The following RPL24 variants were observed in gnomAD, a reference collection of about 807,000 sequenced individuals.
RPL24 encodes ribosomal protein L24, also known as large ribosomal subunit protein eL24.
Under a neutral mutation model 26.4 loss-of-function variants are expected in RPL24, and 7 were observed. That is an observed-to-expected ratio of 0.27 (90% confidence interval 0.15 to 0.50). RPL24 has a LOEUF of 0.50. Among genes scored for constraint, RPL24 ranks in the 20% least tolerant of loss-of-function variants. RPL24 has a pLI of 0.98. For missense variants in RPL24, 109 were observed against 194.9 expected (o/e 0.56, Z 2.62); for synonymous variants, 67 against 65.2 (o/e 1.03, Z -0.13).
At chr3:101,684,020 A>AT (rs957601759) in intron 3 of RPL24, among the ~76,000 whole-genome samples, 11 of 151,684 alleles carry the variant, frequency 7.3e-5, no homozygotes, top group Middle Eastern at 3.2e-3. Flanking sequence ...CCTGTTTTCT[A>AT]TTTTTTTAAG....
chr3:101,684,287 T>C (rs949649403), intron 3 of RPL24, among the ~76,000 whole-genome samples: 1 of 151,886 alleles, frequency 6.6e-6, no homozygotes, highest in Non-Finnish European at 1.5e-5. Flanking sequence ...TGCCTCAGCC[T>C]CCCAAGTAGC....
intron 3 of RPL24, among the ~76,000 whole-genome samples, chr3:101,683,180 T>G (rs1436544083): frequency 6.6e-6 from 1 of 152,198 alleles, no homozygotes; most frequent in African/African-American, 2.4e-5. Flanking sequence ...GTAGTATAAA[T>G]GAAGACTGTT....
At chr3:101,681,854 A>C (rs1937267848) in intron 5 of RPL24, 1 of 75,462 alleles carries the variant, frequency 1.3e-5, no homozygotes, top group South Asian at 3.3e-4. Flanking sequence ...GGGGAAAAAA[A>C]CAAACAAACA....
chr3:101,682,932 A>G (rs1283384211), intron 3 of RPL24, 25 bp from the exon 4 acceptor site: 1 of 1,593,524 alleles, frequency 6.3e-7, no homozygotes, highest in Admixed American at 1.8e-5. Flanking sequence ...TGAGGGGCAC[A>G]CTTAGGAACC....
intron 3 of RPL24, among the ~76,000 whole-genome samples, chr3:101,685,032 A>G (rs546733893): frequency 6.6e-6 from 1 of 152,220 alleles, no homozygotes; most frequent in South Asian, 2.1e-4. Flanking sequence ...GTTTTAGGGT[A>G]TAACTTAGAA....
intron 5 of RPL24, chr3:101,682,221 C>A (rs1338970726): frequency 1.9e-6 from 1 of 527,312 alleles, no homozygotes; most frequent in Non-Finnish European, 3.5e-6. Flanking sequence ...AAAAAATCAG[C>A]CGGGCGTGAT....
At chr3:101,686,188 C>T (rs984243453) in intron 2 of RPL24, 7 of 575,078 alleles carry the variant, frequency 1.2e-5, no homozygotes, top group South Asian at 8.7e-5. Flanking sequence ...TTCTGGGAAG[C>T]ATTCTGCTCT....
intron 2 of RPL24, 140 bp downstream of exon 2, chr3:101,686,342 T>A: frequency 1.5e-6 from 1 of 676,950 alleles, no homozygotes; most frequent in East Asian, 2.7e-5. Context: ...TTTCTGGTCC[T>A]AACGACCAGT....
At chr3:101,685,175 G>GT (rs71625595) in intron 3 of RPL24, among the ~76,000 whole-genome samples, 601 of 145,126 alleles carry the variant, frequency 4.1e-3, no homozygotes, top group African/African-American at 0.01. Flanking sequence ...TGTAATTCCT[G>GT]TTTTTTTTTT....
rs76262577 is a variant in RPL24, at chr3:101,686,003, A to G, written c.82-75T>C. The G allele has an allele frequency of 2.6e-3, 2,535 of 986,304 alleles. 82 individuals are homozygous for G. The East Asian group carries it at 0.059, about 23-fold the overall frequency. The allele number at this position is 986,304 out of a possible 1,614,324, so 61.1% of individuals were successfully genotyped here. A position where few individuals can be genotyped will look rare whatever the true frequency, so the allele number is the denominator to read the frequency against. On this transcript the variant is annotated intron_variant, in intron 2 of 5. Transcript: ENST00000394077. ...GAGGCTGAGTAAGCTTGGAATCCTTAGAAGATCAATATGCTAGTTCTGGCT... is the reference window on the plus strand; with the variant it reads ...GAGGCTGAGTAAGCTTGGAATCCTTGGAAGATCAATATGCTAGTTCTGGCT...
At chr3:101,684,337 T>C (rs1423575724) in intron 3 of RPL24, among the ~76,000 whole-genome samples, 1 of 151,898 alleles carries the variant, frequency 6.6e-6, no homozygotes, top group African/African-American at 2.4e-5. Flanking sequence ...GGCTAATTTT[T>C]TTTTGTATTT....
chr3:101,683,206 T>C (rs1937284032), intron 3 of RPL24, among the ~76,000 whole-genome samples: 1 of 152,090 alleles, frequency 6.6e-6, no homozygotes, highest in Admixed American at 6.5e-5. Context: ...TTTTAATAAT[T>C]TACTTATTGA....
intron 3 of RPL24, among the ~76,000 whole-genome samples, chr3:101,684,639 T>G (rs1398425095): frequency 6.6e-6 from 1 of 151,722 alleles, no homozygotes; most frequent in East Asian, 1.9e-4. Flanking sequence ...AAAAAATAGC[T>G]GGGCCATGGT....
At chr3:101,684,988 T>C (rs1371263246) in intron 3 of RPL24, among the ~76,000 whole-genome samples, 1 of 151,800 alleles carries the variant, frequency 6.6e-6, no homozygotes, top group African/African-American at 2.4e-5. Flanking sequence ...GCTATGACAC[T>C]GATATACAAG....
At position 101,686,151 on chromosome 3, in the gene RPL24, CAT is replaced by C. The variant is rs1937338936; in HGVS notation, c.82-225_82-224del. On this transcript the variant is annotated intron_variant, in intron 2 of 5. Transcript: ENST00000394077. ...TTCTCGAGAGCAGGAAATCTAGGCTCATAGCAAAGGACAGGGTGGTGCGTCCT... is the reference window on the plus strand; with the variant it reads ...TTCTCGAGAGCAGGAAATCTAGGCTCAGCAAAGGACAGGGTGGTGCGTCCT... 19 of 577,986 alleles carry C rather than the reference CAT, an allele frequency of 3.3e-5. No homozygotes were observed. In the South Asian group the frequency reaches 4.1e-4, roughly 12 times the overall value. The allele number at this position is 577,986 out of a possible 1,614,324, so 35.8% of individuals were successfully genotyped here.
chr3:101,686,061 C>G, intron 2 of RPL24, 133 bp from the exon 3 acceptor site: 1 of 627,622 alleles, frequency 1.6e-6, no homozygotes, highest in East Asian at 2.7e-5. Context: ...CCACAAGGAC[C>G]AAAAGGCTGT....
At chr3:101,681,292 T>C in intron 5 of RPL24, 77 bp from the exon 6 acceptor site, 1 of 955,560 alleles carries the variant, frequency 1.0e-6, no homozygotes, top group South Asian at 1.3e-5. Flanking sequence ...ATCCAGATTG[T>C]TTATGTAGCT....
intron 3 of RPL24, among the ~76,000 whole-genome samples, chr3:101,685,334 C>T (rs186701097): frequency 5.3e-5 from 8 of 152,214 alleles, no homozygotes; most frequent in Admixed American, 3.9e-4. Context: ...TAAGTATTCC[C>T]AAGCCTCCTG....
At position 101,682,417 on chromosome 3, in the gene RPL24, C is replaced by T; in HGVS notation, c.393+12G>A. On this transcript the variant is annotated intron_variant, in intron 5 of 5. Transcript: ENST00000394077. ...TGTATTGTTCAAGAAAGTAAAGAAA[C>T]CCCATAATTACCTTAGCAGCAGCCA... is the stretch of plus-strand genomic sequence containing the variant. 3 of 1,606,420 alleles carry T rather than the reference C, an allele frequency of 1.9e-6. No homozygotes were observed. In the African/African-American group the frequency reaches 4.0e-5, roughly 21 times the overall value.
Sources: gnomAD v4.1 joint callset for allele counts (sites outside exome capture counted in the v4.1 genomes callset) on GRCh38, gnomAD v4.1.1 for gene constraint, MANE v1.5 for transcripts, NCBI Gene and HGNC (gene_info 2026-07-23, HGNC 2026-07-21) for gene names.